MEI4: variants seen among roughly 807,000 people sequenced by gnomAD.
MEI4 encodes the protein meiotic double-stranded break formation protein 4, also known as meiosis-specific protein MEI4.
In MEI4, 27 loss-of-function variants were observed where a neutral mutation model predicts 31.4. The observed-to-expected ratio is 0.86, with a 90% CI of 0.63 to 1.19. The LOEUF (loss-of-function observed/expected upper bound fraction) is 1.19. Ranked by LOEUF, MEI4 falls within the 50% of genes most tolerant of loss-of-function variation. The probability of loss-of-function intolerance (pLI) is 0.00; values close to 1 mark genes in which losing one functional copy is unlikely to be tolerated. For synonymous variants in MEI4, 122 were observed against 145.4 expected (o/e 0.84, Z 1.16); for missense variants, 329 against 398.9 (o/e 0.82, Z 1.49).
rs201743607 is a variant in MEI4, at chr6:77,916,235, TTC to T, written c.901-6852_901-6851del. 5.2e-3 allele frequency among the ~76,000 whole-genome samples: 789 copies of T among 152,212 alleles called. 7 individuals are homozygous for T. The highest frequency in any genetic ancestry group is 0.019 in the African/African-American group (770 of 41,564). On this transcript the variant is annotated intron_variant, in intron 4 of 4. Transcript: ENST00000684080. ...CTTTTTTTAAAATTGATATTTTGAATTCTTTTTCCAGGATTTCATAAATTTAT... is the reference window on the plus strand; with the variant it reads ...CTTTTTTTAAAATTGATATTTTGAATTTTTTCCAGGATTTCATAAATTTAT...
At chr6:77,707,638 GTC>G (rs1766362208) in intron 2 of MEI4, among the ~76,000 whole-genome samples, 1 of 152,196 alleles carries the variant, frequency 6.6e-6, no homozygotes, top group African/African-American at 2.4e-5. Context: ...CATTTCGGAA[GTC>G]TCTGAGGAGA....
chr6:77,737,422 TTAACAA>T (rs955861091), intron 2 of MEI4, among the ~76,000 whole-genome samples: 1 of 151,966 alleles, frequency 6.6e-6, no homozygotes, highest in African/African-American at 2.4e-5. Flanking sequence ...TATTGAGCTC[TTAACAA>T]TAAAGGCTCG....
At chr6:77,776,172 TG>T (rs1203356305) in intron 3 of MEI4, among the ~76,000 whole-genome samples, 2 of 99,512 alleles carry the variant, frequency 2.0e-5, no homozygotes, top group Admixed American at 2.3e-4. Flanking sequence ...TTTTTGTTTT[TG>T]TTTTTGTTTT....
At chr6:77,714,397 T>C (rs1766534862) in intron 2 of MEI4, among the ~76,000 whole-genome samples, 1 of 152,214 alleles carries the variant, frequency 6.6e-6, no homozygotes, top group Non-Finnish European at 1.5e-5. Flanking sequence ...AGGTTTTCCA[T>C]AAATTTCACA....
At chr6:77,844,840 G>C (rs1582207171) in intron 4 of MEI4, among the ~76,000 whole-genome samples, 1 of 152,116 alleles carries the variant, frequency 6.6e-6, no homozygotes, top group Non-Finnish European at 1.5e-5. Flanking sequence ...CCAGAAAAAT[G>C]ATGCAGTAGA....
intron 2 of MEI4, among the ~76,000 whole-genome samples, chr6:77,694,841 G>T (rs1765975268): frequency 6.6e-6 from 1 of 151,290 alleles, no homozygotes; most frequent in Non-Finnish European, 1.5e-5. Context: ...TCGCCACACT[G>T]ACTTCCACAA....
chr6:77,813,962 C>A (rs1192235677), intron 3 of MEI4, among the ~76,000 whole-genome samples: 1 of 152,014 alleles, frequency 6.6e-6, no homozygotes, highest in Non-Finnish European at 1.5e-5. Flanking sequence ...ACAAGAGAAT[C>A]TCTTTCCTTT....
chr6:77,765,740 A>C (rs1348301295), intron 3 of MEI4, among the ~76,000 whole-genome samples: 3 of 150,250 alleles, frequency 2.0e-5, no homozygotes, highest in Non-Finnish European at 2.9e-5. Context: ...ATGCACACAT[A>C]TGTTTATTGC....
intron 2 of MEI4, among the ~76,000 whole-genome samples, chr6:77,758,074 T>C (rs1467023268): frequency 6.6e-6 from 1 of 151,230 alleles, no homozygotes; most frequent in Admixed American, 6.6e-5. Flanking sequence ...GAGAATCACT[T>C]GAACCCAGGA....
At chr6:77,800,218 G>T (rs1363293126) in intron 3 of MEI4, among the ~76,000 whole-genome samples, 1 of 152,086 alleles carries the variant, frequency 6.6e-6, no homozygotes, top group East Asian at 1.9e-4. Flanking sequence ...CACATACCTT[G>T]TAAGTTGGAT....
At chr6:77,840,716 C>A (rs977071381) in intron 4 of MEI4, among the ~76,000 whole-genome samples, 1 of 151,562 alleles carries the variant, frequency 6.6e-6, no homozygotes, top group Non-Finnish European at 1.5e-5. Flanking sequence ...TCTAGTGTAC[C>A]CATTACCAAA....
At chr6:77,876,534 C>T (rs1287993715) in intron 4 of MEI4, among the ~76,000 whole-genome samples, 1 of 152,186 alleles carries the variant, frequency 6.6e-6, no homozygotes, top group Non-Finnish European at 1.5e-5. Flanking sequence ...TTATAAATTA[C>T]TCAGTCTGTG....
intron 2 of MEI4, among the ~76,000 whole-genome samples, chr6:77,750,407 A>G (rs1767737854): frequency 6.6e-6 from 1 of 152,226 alleles, no homozygotes. Context: ...ATAGGCTCAA[A>G]ATAAAGGGAT....
chr6:77,867,763 C>CACAATAA (rs1771080224), intron 4 of MEI4, among the ~76,000 whole-genome samples: 1 of 152,132 alleles, frequency 6.6e-6, no homozygotes, highest in Non-Finnish European at 1.5e-5. Flanking sequence ...AAGACACATG[C>CACAATAA]ACACGTGTGT....
chr6:77,892,789 T>C (rs1765993000), intron 4 of MEI4, among the ~76,000 whole-genome samples: 1 of 152,040 alleles, frequency 6.6e-6, no homozygotes, highest in Non-Finnish European at 1.5e-5. Context: ...GATGTGGAGA[T>C]AGAGAGGCTG....
At chr6:77,664,857 C>T (rs1014355866) in intron 1 of MEI4, among the ~76,000 whole-genome samples, 4 of 152,046 alleles carry the variant, frequency 2.6e-5, no homozygotes, top group Admixed American at 2.6e-4. Context: ...CATTTTCTGA[C>T]TTTGGAACTA....
chr6:77,708,833 A>G (rs1180270287), intron 2 of MEI4, among the ~76,000 whole-genome samples: 2 of 152,198 alleles, frequency 1.3e-5, no homozygotes, highest in Admixed American at 1.3e-4. Flanking sequence ...TCATGATTAT[A>G]AAGTTCCTGA....
At chr6:77,735,120 G>T (rs1224974081) in intron 2 of MEI4, among the ~76,000 whole-genome samples, 1 of 151,936 alleles carries the variant, frequency 6.6e-6, no homozygotes, top group Non-Finnish European at 1.5e-5. Context: ...TCTTGGAGTT[G>T]CTCTTCTCGA....
In MEI4 at chr6:77,686,192, T is replaced by C. The variant is rs1769050948; in HGVS notation, c.-14-4466T>C. Reference sequence around the variant, plus strand: ...TGCCTCTCTACAATCTGAAGAACCATGAGCCAAATAAACCTATATTCTTTA... The same window carrying C: ...TGCCTCTCTACAATCTGAAGAACCACGAGCCAAATAAACCTATATTCTTTA... On this transcript the variant is annotated intron_variant, in intron 1 of 4. Coordinates refer to ENST00000684080, the MANE Select transcript of MEI4 (RefSeq NM_001322247.2). Among the ~76,000 whole-genome samples, 3 of 152,304 alleles carry C rather than the reference T, an allele frequency of 2.0e-5. No individual in the cohort carries two copies. In the South Asian group the frequency reaches 6.2e-4, roughly 32 times the overall value.
Sources: allele counts gnomAD v4.1 joint callset (sites outside exome capture counted in the v4.1 genomes callset), GRCh38; gene constraint gnomAD v4.1.1; transcripts MANE v1.5; gene names NCBI Gene and HGNC (gene_info 2026-07-23, HGNC 2026-07-21).